Variants in IGSF11 observed in about 807,000 individuals in gnomAD.
IGSF11 encodes the protein immunoglobulin superfamily member 11, also known as CXADR like 1.
In IGSF11, 22 loss-of-function variants were observed where a neutral mutation model predicts 41.0. The ratio of observed to expected loss-of-function variants is 0.54; its 90% CI spans 0.38 to 0.77. The LOEUF (loss-of-function observed/expected upper bound fraction) is 0.77. Ranked by LOEUF, IGSF11 falls within the 30% of genes least tolerant of loss-of-function variation. IGSF11 has a pLI of 0.00. For missense variants in IGSF11, 444 were observed against 530.8 expected (o/e 0.84, Z 1.61); for synonymous variants, 219 against 201.3 (o/e 1.09, Z -0.74).
chr3:118,962,617 C>T (rs559046100), intron 1 of IGSF11, among the ~76,000 whole-genome samples: 87 of 152,074 alleles, frequency 5.7e-4, no homozygotes, highest in Non-Finnish European at 7.5e-4. Context: ...CAGGTGAAAA[C>T]GACCAGTATG....
At chr3:119,073,036 C>A (rs2032814476) in intron 1 of IGSF11, among the ~76,000 whole-genome samples, 1 of 152,158 alleles carries the variant, frequency 6.6e-6, no homozygotes, top group South Asian at 2.1e-4. Flanking sequence ...CATTTACAAA[C>A]CTTGAGCTAG....
At chr3:118,921,703 C>T (rs886167443) in intron 4 of IGSF11, among the ~76,000 whole-genome samples, 1 of 152,132 alleles carries the variant, frequency 6.6e-6, no homozygotes, top group Non-Finnish European at 1.5e-5. Context: ...CCAGAACTTA[C>T]ACTCTTACAT....
At chr3:119,074,640 G>C (rs1213790902) in intron 1 of IGSF11, among the ~76,000 whole-genome samples, 3 of 151,256 alleles carry the variant, frequency 2.0e-5, no homozygotes, top group African/African-American at 7.3e-5. Flanking sequence ...TGGATCACAA[G>C]GTCAGGGGAT....
intron 1 of IGSF11, among the ~76,000 whole-genome samples, chr3:118,976,321 C>T (rs1241194145): frequency 6.6e-6 from 1 of 152,172 alleles, no homozygotes; most frequent in East Asian, 1.9e-4. Context: ...CCAACTTGTT[C>T]TTTTTTGGCT....
At chr3:119,091,010 G>GA (rs1407936141) in intron 1 of IGSF11, among the ~76,000 whole-genome samples, 1 of 151,878 alleles carries the variant, frequency 6.6e-6, no homozygotes, top group East Asian at 1.9e-4. Flanking sequence ...GGAACTTAAG[G>GA]AAAAAACAAA....
chr3:118,990,920 T>C (rs1381024617), intron 1 of IGSF11, among the ~76,000 whole-genome samples: 3 of 152,166 alleles, frequency 2.0e-5, no homozygotes, highest in Non-Finnish European at 4.4e-5. Context: ...GAAATGAATA[T>C]TTCCTGAAAT....
intron 1 of IGSF11, among the ~76,000 whole-genome samples, chr3:118,939,518 G>A (rs980821560): frequency 1.2e-4 from 18 of 151,706 alleles, no homozygotes; most frequent in African/African-American, 4.4e-4. Flanking sequence ...AAAGGTTGCA[G>A]TGAGCCAAGA....
At chr3:119,100,599 G>A (rs551503082) in intron 1 of IGSF11, among the ~76,000 whole-genome samples, 37 of 152,274 alleles carry the variant, frequency 2.4e-4, no homozygotes, top group African/African-American at 8.9e-4. Context: ...GGAGTAGGGA[G>A]ATCAAAAATA....
chr3:119,047,795 A>G (rs559959883), intron 1 of IGSF11, among the ~76,000 whole-genome samples: 4 of 152,112 alleles, frequency 2.6e-5, no homozygotes, highest in South Asian at 2.1e-4. Context: ...ATAACAAACT[A>G]TCTCTCAGAC....
At chr3:118,904,590 A>AT in intron 6 of IGSF11, 58 bp downstream of exon 6, 1 of 1,236,174 alleles carries the variant, frequency 8.1e-7, no homozygotes, top group Non-Finnish European at 1.2e-6. Flanking sequence ...ACTGACACAA[A>AT]TGAATAGAAG....
At chr3:119,130,993 G>A (rs2077473973) in intron 1 of IGSF11, among the ~76,000 whole-genome samples, 1 of 152,034 alleles carries the variant, frequency 6.6e-6, no homozygotes, top group South Asian at 2.1e-4. Flanking sequence ...AAAGAGAAAG[G>A]AATAGAATCA....
intron 1 of IGSF11, among the ~76,000 whole-genome samples, chr3:119,137,865 A>C (rs1488777332): frequency 6.6e-6 from 1 of 152,212 alleles, no homozygotes; most frequent in African/African-American, 2.4e-5. Context: ...TCTATTGGAA[A>C]AAATCTGATA....
chr3:118,985,222 C>G (rs1246854788), intron 1 of IGSF11, among the ~76,000 whole-genome samples: 3 of 152,044 alleles, frequency 2.0e-5, no homozygotes, highest in African/African-American at 7.2e-5. Context: ...AAAGCTATAT[C>G]TCAAATCAAA....
chr3:118,929,735 A>T (rs1204529464), intron 2 of IGSF11, among the ~76,000 whole-genome samples: 2 of 152,030 alleles, frequency 1.3e-5, no homozygotes, highest in Non-Finnish European at 2.9e-5. Context: ...AAATTAACTT[A>T]AAAAAAATCA....
exon 1 of IGSF11, chr3:119,145,872 AACAC>A (rs1448696893): frequency 3.5e-6 from 1 of 287,942 alleles, no homozygotes; most frequent in Non-Finnish European, 6.6e-6. Context: ...GGAAGAGGGT[AACAC>A]TCTAGGTGGC....
intron 1 of IGSF11, among the ~76,000 whole-genome samples, chr3:119,094,228 A>T (rs1181225322): frequency 1.0e-4 from 7 of 67,962 alleles, no homozygotes; most frequent in South Asian, 6.9e-4. Context: ...CGAAGTAAAA[A>T]AAAAAAAAAA....
intron 1 of IGSF11, among the ~76,000 whole-genome samples, chr3:119,072,608 G>A (rs1023311637): frequency 3.0e-4 from 46 of 152,264 alleles, no homozygotes; most frequent in African/African-American, 1.0e-3. Flanking sequence ...GCATACCTTC[G>A]TGGTAAGTGT....
At chr3:118,977,593 G>A (rs1934257967) in intron 1 of IGSF11, among the ~76,000 whole-genome samples, 1 of 152,198 alleles carries the variant, frequency 6.6e-6, no homozygotes, top group South Asian at 2.1e-4. Flanking sequence ...AAGCAAGAAA[G>A]TAGAGGGAAA....
chr3:119,097,426 C>T (rs956233780), intron 1 of IGSF11, among the ~76,000 whole-genome samples: 4 of 147,374 alleles, frequency 2.7e-5, no homozygotes, highest in Non-Finnish European at 5.9e-5. Context: ...CATTTTTCCT[C>T]TGGGGAGCAA....
Sources: allele counts gnomAD v4.1 joint callset (sites outside exome capture counted in the v4.1 genomes callset), GRCh38; gene constraint gnomAD v4.1.1; transcripts MANE v1.5; gene names NCBI Gene and HGNC (gene_info 2026-07-23, HGNC 2026-07-21).